The following DRC1 variants were observed in gnomAD, a reference collection of about 807,000 sequenced individuals.
DRC1 encodes dynein regulatory complex protein 1.
In DRC1, 74 loss-of-function variants were observed where a neutral mutation model predicts 98.7. That is an observed-to-expected ratio of 0.75 (90% CI 0.62 to 0.91). The LOEUF (loss-of-function observed/expected upper bound fraction) is 0.91, where lower values mean the gene tolerates loss of function less well. DRC1 is among the 40% of genes least tolerant of loss of function. DRC1 has a pLI of 0.00. For missense variants in DRC1, 875 were observed against 886.0 expected (o/e 0.99, Z 0.16); for synonymous variants, 336 against 334.1 (o/e 1.01, Z -0.06).
chr2:26,449,200 C>G (rs1336407750), intron 11 of DRC1, among the ~76,000 whole-genome samples: 2 of 152,202 alleles, frequency 1.3e-5, no homozygotes, highest in Non-Finnish European at 2.9e-5. Context: ...GTGACTCTGG[C>G]TATGTTGGGA....
intron 5 of DRC1, chr2:26,430,356 G>A (rs907286554): frequency 2.7e-6 from 1 of 363,642 alleles, no homozygotes; most frequent in African/African-American, 2.1e-5. Flanking sequence ...TCGGTTGTTA[G>A]AGACTCATTT....
At chr2:26,451,623 T>A (rs1465744699) in intron 13 of DRC1, among the ~76,000 whole-genome samples, 1 of 148,272 alleles carries the variant, frequency 6.7e-6, no homozygotes, top group Admixed American at 6.7e-5. Flanking sequence ...ATGATGAGGT[T>A]GAGGCTGCAG....
At chr2:26,423,998 G>A (rs535011321) in intron 3 of DRC1, among the ~76,000 whole-genome samples, 1 of 152,206 alleles carries the variant, frequency 6.6e-6, no homozygotes, top group Non-Finnish European at 1.5e-5. Flanking sequence ...CTTGGTGTGT[G>A]TGCGTGTGCA....
At chr2:26,409,161 G>A (rs1185856013) in intron 1 of DRC1, among the ~76,000 whole-genome samples, 1 of 151,832 alleles carries the variant, frequency 6.6e-6, no homozygotes, top group Non-Finnish European at 1.5e-5. Flanking sequence ...TAAACTCCTG[G>A]GTCAAGTGGT....
intron 15 of DRC1, 45 bp from the exon 16 acceptor site, chr2:26,455,086 G>A (rs1411277580): frequency 6.2e-7 from 1 of 1,604,432 alleles, no homozygotes; most frequent in Non-Finnish European, 8.5e-7. Context: ...ACTTGGCAGA[G>A]GATGGAGGAT....
chr2:26,402,169 G>A lies in DRC1; in HGVS notation c.155+25G>A, dbSNP rs201942850. 5.1e-6 allele frequency: 8 copies of A among 1,556,482 alleles called. No homozygotes were observed. In the African/African-American group the frequency reaches 1.1e-4, roughly 21 times the overall value. ...GGTGAGCGCGGGGGCGGGCGGGGCGGGATCCGCGCCGCAGGAGCCGGAGAA... is the reference window on the plus strand; with the variant it reads ...GGTGAGCGCGGGGGCGGGCGGGGCGAGATCCGCGCCGCAGGAGCCGGAGAA... On this transcript the variant is annotated intron_variant, in intron 1 of 16. Coordinates refer to ENST00000288710, the MANE Select transcript of DRC1 (RefSeq NM_145038.5).
rs188095789 is a variant in DRC1, at chr2:26,430,404, G to C, written c.679-382G>C. 7.5e-5 allele frequency: 32 copies of C among 426,678 alleles called. No individual in the cohort carries two copies. The East Asian group carries it at 2.2e-3, about 30-fold the overall frequency. 26.4% of individuals were successfully genotyped at this position (426,678 alleles called of 1,614,324 possible). A position where few individuals can be genotyped will look rare whatever the true frequency, so the allele number is the denominator to read the frequency against. The stretch of plus-strand genomic sequence containing the variant: ...ACCTACCCCTTGTGAGTTTCATGCT[G>C]CCTTTGCTTCATGGGATCCCCAACC... On this transcript the variant is annotated intron_variant, in intron 5 of 16. Transcript: ENST00000288710.
At chr2:26,420,109 T>C (rs565990628) in intron 2 of DRC1, among the ~76,000 whole-genome samples, 7 of 152,246 alleles carry the variant, frequency 4.6e-5, no homozygotes, top group African/African-American at 1.4e-4. Context: ...CTTTATCTGC[T>C]CATCACCTTT....
chr2:26,413,070 T>C (rs1447409153), intron 1 of DRC1, among the ~76,000 whole-genome samples: 4 of 152,238 alleles, frequency 2.6e-5, no homozygotes, highest in South Asian at 2.1e-4. Context: ...GCGTGAGCCA[T>C]CGCGCCCAGC....
At chr2:26,444,013 T>C (rs1663785971) in intron 8 of DRC1, among the ~76,000 whole-genome samples, 1 of 152,186 alleles carries the variant, frequency 6.6e-6, no homozygotes, top group Non-Finnish European at 1.5e-5. Flanking sequence ...TTGTTTTCAA[T>C]GCGTTTCGTT....
intron 1 of DRC1, among the ~76,000 whole-genome samples, chr2:26,414,138 TTATTA>T (rs1678715835): frequency 6.7e-6 from 1 of 149,586 alleles, no homozygotes. Context: ...ATTATTATTA[TTATTA>T]TTGTTTTACA....
At chr2:26,421,536 T>G in intron 3 of DRC1, 136 bp downstream of exon 3, 6 of 351,936 alleles carry the variant, frequency 1.7e-5, no homozygotes, top group Non-Finnish European at 1.5e-5. Flanking sequence ...TCTCCCTCCC[T>G]CCCTCCTCTT....
chr2:26,427,026 T>C (rs1156681452), intron 4 of DRC1, among the ~76,000 whole-genome samples: 4 of 152,236 alleles, frequency 2.6e-5, no homozygotes, highest in South Asian at 4.1e-4. Flanking sequence ...TTTGGTGCTA[T>C]AGTAAATGGA....
intron 10 of DRC1, among the ~76,000 whole-genome samples, chr2:26,447,652 C>T (rs1018411605): frequency 2.0e-5 from 3 of 151,444 alleles, no homozygotes; most frequent in Non-Finnish European, 2.9e-5. Context: ...CTGCAACCTC[C>T]ACCTCCTGGG....
intron 1 of DRC1, among the ~76,000 whole-genome samples, chr2:26,405,662 T>A (rs1251532790): frequency 2.3e-4 from 32 of 138,832 alleles, no homozygotes; most frequent in African/African-American, 8.3e-4. Context: ...TCTTTTTTTT[T>A]TTTTTTTTTT....
chr2:26,402,005 T>A lies in DRC1; in HGVS notation c.16T>A (p.Ser6Thr), dbSNP rs1678256299. The A allele has an allele frequency of 6.2e-7, 1 of 1,607,738 alleles. No individual in the cohort carries two copies. Among genetic ancestry groups the A allele is most frequent in the South Asian group, 1.1e-5 (1 of 89,684 alleles). The change falls in exon 1 of 17, where the codon TCC becomes ACC. Residue 6 changes from serine to threonine, a missense_variant. Physicochemically the swap from Ser to Thr is moderately conservative, Grantham distance 58. Coordinates refer to ENST00000288710, the MANE Select transcript of DRC1 (RefSeq NM_145038.5). ...GACTCCTGCCATGAATCCGCCGGGG[T>A]CCCTAGAGGCCCTGGACCCGAACGT... MNPPG[S>T]LEALDPNVDE...
At chr2:26,406,637 G>T (rs116739122) in intron 1 of DRC1, among the ~76,000 whole-genome samples, 1,619 of 152,042 alleles carry the variant, frequency 0.011, 34 homozygotes, top group African/African-American at 0.037. Flanking sequence ...CTTGAACACC[G>T]GGAGGTGGAG....
intron 2 of DRC1, among the ~76,000 whole-genome samples, chr2:26,415,702 C>A (rs1358115970): frequency 6.6e-6 from 1 of 152,078 alleles, no homozygotes. Flanking sequence ...GAGGCCGAGG[C>A]GAGCGGATCA....
chr2:26,447,946 C>T (rs1344715757), intron 10 of DRC1, among the ~76,000 whole-genome samples: 1 of 151,514 alleles, frequency 6.6e-6, no homozygotes. Flanking sequence ...TTCTCTGGAC[C>T]AGGCGCCGTG....
Sources: gnomAD v4.1 joint callset for allele counts (sites outside exome capture counted in the v4.1 genomes callset) on GRCh38, gnomAD v4.1.1 for gene constraint, MANE v1.5 for transcripts, NCBI Gene and HGNC (gene_info 2026-07-23, HGNC 2026-07-21) for gene names.